ANKS1A: variants seen among roughly 807,000 people sequenced by gnomAD.
The protein encoded by ANKS1A is ankyrin repeat and SAM domain-containing protein 1A.
Under a neutral mutation model 120.3 loss-of-function variants are expected in ANKS1A, and 55 were observed. The observed-to-expected ratio is 0.46, with a 90% confidence interval of 0.37 to 0.57. ANKS1A has a LOEUF of 0.57. Ranked by LOEUF, ANKS1A falls within the 20% of genes least tolerant of loss-of-function variation. The pLI is 0.00. For synonymous variants in ANKS1A, 590 were observed against 604.7 expected (o/e 0.98, Z 0.36); for missense variants, 1,123 against 1,480.3 (o/e 0.76, Z 3.96).
intron 23 of ANKS1A, 129 bp downstream of exon 23, chr6:35,087,178 C>T: frequency 1.1e-6 from 1 of 900,324 alleles, no homozygotes; most frequent in South Asian, 1.4e-5. Context: ...GCCCCACCTG[C>T]ACTGGGACCT....
At chr6:35,039,013 G>A (rs1307474404) in intron 11 of ANKS1A, among the ~76,000 whole-genome samples, 8 of 151,824 alleles carry the variant, frequency 5.3e-5, no homozygotes, top group Admixed American at 2.0e-4. Context: ...AAAACCAGGC[G>A]ATTGACCGTG....
chr6:35,094,928 C>T (rs898684875), downstream of ANKS1A, among the ~76,000 whole-genome samples: 2 of 151,996 alleles, frequency 1.3e-5, no homozygotes, highest in African/African-American at 4.8e-5. Flanking sequence ...TTGCTTGAGT[C>T]CAGGAGCTCA....
chr6:34,984,850 G>C (rs1264801950), intron 7 of ANKS1A, among the ~76,000 whole-genome samples: 1 of 152,170 alleles, frequency 6.6e-6, no homozygotes, highest in African/African-American at 2.4e-5. Context: ...ATCTCTTATA[G>C]ATGTCAATGG....
chr6:35,083,536 G>GGGACCCACATCCCCGTC (rs1345171663), intron 20 of ANKS1A, 33 bp downstream of exon 20: 3 of 1,604,354 alleles, frequency 1.9e-6, no homozygotes, highest in Non-Finnish European at 8.5e-7. Flanking sequence ...TGGTGGGAGT[G>GGGACCCACATCCCCGTC]GGACCCACAT....
At chr6:35,073,041 CT>C (rs551298511) in intron 13 of ANKS1A, among the ~76,000 whole-genome samples, 416 of 152,350 alleles carry the variant, frequency 2.7e-3, no homozygotes, top group Non-Finnish European at 4.5e-3. Flanking sequence ...GCCTCAGTTT[CT>C]TTCTGTGTAA....
At chr6:34,905,705 C>T (rs139355223) in intron 1 of ANKS1A, among the ~76,000 whole-genome samples, 112 of 152,238 alleles carry the variant, frequency 7.4e-4, no homozygotes, top group Non-Finnish European at 1.4e-3. Context: ...TTCATGTGGC[C>T]GTCAGAGTTT....
At chr6:34,924,656 G>T (rs1768616625) in intron 1 of ANKS1A, among the ~76,000 whole-genome samples, 1 of 152,170 alleles carries the variant, frequency 6.6e-6, no homozygotes, top group Admixed American at 6.5e-5. Context: ...GAGACAAAAT[G>T]ACTGGAGAAA....
intron 1 of ANKS1A, among the ~76,000 whole-genome samples, chr6:34,951,600 C>CT (rs1188466873): frequency 2.6e-5 from 4 of 152,132 alleles, no homozygotes; most frequent in African/African-American, 4.8e-5. Context: ...GACCTAGACT[C>CT]TGATAATAAA....
chr6:35,028,184 C>G (rs1052619447), intron 11 of ANKS1A, among the ~76,000 whole-genome samples: 6 of 152,178 alleles, frequency 3.9e-5, no homozygotes, highest in African/African-American at 1.4e-4. Context: ...AACAGAACTT[C>G]CCCCAAAAGC....
rs1359852440 is a variant in ANKS1A, at chr6:35,089,707, C to T, written c.*1098C>T. The stretch of plus-strand genomic sequence containing the variant: ...GGCAGGCTGGCATCCCGGTGCGCCT[C>T]TGCTTCTTAAGCTTTCCTGCTGCTC... On this transcript the variant is annotated 3_prime_UTR_variant, in exon 24 of 24. Transcript: ENST00000360359. 1.0e-6 allele frequency: 1 copy of T among 993,732 alleles called. No homozygotes were observed. Among genetic ancestry groups the T allele is most frequent in the Non-Finnish European group, 1.2e-6 (1 of 835,204 alleles). 61.6% of individuals were successfully genotyped at this position (993,732 alleles called of 1,614,324 possible).
At chr6:35,059,510 C>T (rs774518142) in intron 12 of ANKS1A, among the ~76,000 whole-genome samples, 4 of 152,228 alleles carry the variant, frequency 2.6e-5, no homozygotes, top group Non-Finnish European at 5.9e-5. Flanking sequence ...TTCTGTGCTG[C>T]TTGTGTTGCA....
chr6:34,889,656 T>C lies in ANKS1A; in HGVS notation c.197+57T>C. The C allele has an allele frequency of 8.0e-7, 1 of 1,250,476 alleles. No homozygotes were observed. Among genetic ancestry groups the C allele is most frequent in the Non-Finnish European group, 1.0e-6 (1 of 998,384 alleles). The allele number at this position is 1,250,476 out of a possible 1,614,324, so 77.5% of individuals were successfully genotyped here. On this transcript the variant is annotated intron_variant, in intron 1 of 23. Transcript: ENST00000360359. This position sits in a 1 kb window ranked among gnomAD's most constrained non-coding sequence, Gnocchi z 5.5. ...GCAGACCCTTTCTCCCCCACCCGTC[T>C]CTTGGGTCCCCAGAGAGATCGGGGG... is the stretch of plus-strand genomic sequence containing the variant.
At chr6:34,941,153 A>G (rs1581724041) in intron 1 of ANKS1A, among the ~76,000 whole-genome samples, 2 of 151,754 alleles carry the variant, frequency 1.3e-5, no homozygotes, top group East Asian at 3.9e-4. Flanking sequence ...ACGCCCGGCT[A>G]ATTTTTGTAT....
chr6:35,038,411 G>A (rs894735407), intron 11 of ANKS1A, among the ~76,000 whole-genome samples: 3 of 152,162 alleles, frequency 2.0e-5, no homozygotes, highest in Admixed American at 2.0e-4. Flanking sequence ...AGTGAAGAGT[G>A]CTGTGATAGT....
chr6:34,972,571 C>G, intron 3 of ANKS1A: 1 of 984,920 alleles, frequency 1.0e-6, no homozygotes, highest in Non-Finnish European at 1.2e-6. Context: ...TTTTCCTCTC[C>G]TTTTTGTAGA....
chr6:34,893,934 AAT>A (rs1441005881), intron 1 of ANKS1A, among the ~76,000 whole-genome samples: 6 of 152,234 alleles, frequency 3.9e-5, no homozygotes, highest in Admixed American at 1.3e-4. Context: ...GAAGAAAAAA[AAT>A]ATAGTTTTCT....
At chr6:35,015,623 C>T (rs938333002) in intron 10 of ANKS1A, among the ~76,000 whole-genome samples, 5 of 152,200 alleles carry the variant, frequency 3.3e-5, no homozygotes, top group South Asian at 2.1e-4. Flanking sequence ...TCTCTAGACT[C>T]GTGAAAAGCT....
Position 35,044,255 on chromosome 6 carries a change from C to T in ANKS1A, c.2011-9844C>T, listed in dbSNP as rs554025460. Among the ~76,000 whole-genome samples, 6 of 152,320 alleles carry T rather than the reference C, an allele frequency of 3.9e-5. No homozygotes were observed. The highest frequency in any genetic ancestry group is 4.1e-4 in the South Asian group (2 of 4,830). ...GGGACAGGGTGGCATGCAGTTAGCTCGCTGGCAGATCACTTAAGCGGAGGT... is the reference window on the plus strand; with the variant it reads ...GGGACAGGGTGGCATGCAGTTAGCTTGCTGGCAGATCACTTAAGCGGAGGT... On this transcript the variant is annotated intron_variant, in intron 11 of 23. Transcript: ENST00000360359. The surrounding 1 kb of genome is among the most constrained non-coding windows in gnomAD (Gnocchi z 4.4).
intron 11 of ANKS1A, among the ~76,000 whole-genome samples, chr6:35,043,536 G>A (rs553845835): frequency 1.3e-5 from 2 of 152,260 alleles, no homozygotes; most frequent in South Asian, 2.1e-4. Flanking sequence ...CAGTCATAGC[G>A]GCTATCTTGT....
Sources: allele counts gnomAD v4.1 joint callset (sites outside exome capture counted in the v4.1 genomes callset), GRCh38; gene constraint gnomAD v4.1.1; non-coding constraint Gnocchi (gnomAD v3.1); transcripts MANE v1.5; gene names NCBI Gene and HGNC (gene_info 2026-07-23, HGNC 2026-07-21).